The following PRKN variants were observed in gnomAD, a reference collection of about 807,000 sequenced individuals.
The protein encoded by PRKN is parkin RBR E3 ubiquitin protein ligase.
Under a neutral mutation model 59.5 loss-of-function variants are expected in PRKN, and 56 were observed. That is an observed-to-expected ratio of 0.94 (90% CI 0.76 to 1.18). The LOEUF is 1.18. PRKN is among the 50% of genes most tolerant of loss of function. The pLI is 0.00. For synonymous variants in PRKN, 250 were observed against 222.1 expected (o/e 1.13, Z -1.12); for missense variants, 657 against 596.4 (o/e 1.10, Z -1.06).
chr6:161,745,361 T>C (rs1373855994), intron 7 of PRKN, among the ~76,000 whole-genome samples: 1 of 152,132 alleles, frequency 6.6e-6, no homozygotes, highest in Non-Finnish European at 1.5e-5. Flanking sequence ...AAGCATTTCC[T>C]AACAGGGGAA....
chr6:162,314,219 T>G (rs1467658035), intron 2 of PRKN, among the ~76,000 whole-genome samples: 3 of 152,100 alleles, frequency 2.0e-5, no homozygotes. Flanking sequence ...AAGGGAAGCT[T>G]AGAGAATGTC....
intron 1 of PRKN, among the ~76,000 whole-genome samples, chr6:162,470,233 T>C (rs1791663546): frequency 6.6e-6 from 1 of 152,178 alleles, no homozygotes; most frequent in African/African-American, 2.4e-5. Context: ...TTTTATGATA[T>C]AATGAAAAGG....
At chr6:161,926,630 G>T (rs898639317) in intron 6 of PRKN, among the ~76,000 whole-genome samples, 1 of 152,048 alleles carries the variant, frequency 6.6e-6, no homozygotes, top group African/African-American at 2.4e-5. Flanking sequence ...CTTCATGTTC[G>T]TCTTATCCCT....
At chr6:162,072,036 T>C (rs7754120) in intron 4 of PRKN, among the ~76,000 whole-genome samples, 125,793 of 152,172 alleles carry the variant, frequency 0.83, 52,152 homozygotes, top group Admixed American at 0.88. Context: ...TTAATTCCTT[T>C]AACAAATAAT....
intron 1 of PRKN, among the ~76,000 whole-genome samples, chr6:162,671,997 G>A (rs1418964342): frequency 6.6e-6 from 1 of 152,040 alleles, no homozygotes; most frequent in Non-Finnish European, 1.5e-5. Context: ...TGGCAGAGCA[G>A]TGGTGCCCAT....
At chr6:162,428,755 C>T (rs1013783895) in intron 2 of PRKN, among the ~76,000 whole-genome samples, 9 of 152,192 alleles carry the variant, frequency 5.9e-5, no homozygotes, top group African/African-American at 2.2e-4. Flanking sequence ...AAGCCCCATG[C>T]TCCGTCCCCC....
intron 7 of PRKN, among the ~76,000 whole-genome samples, chr6:161,745,432 G>A (rs989870800): frequency 6.6e-5 from 10 of 152,090 alleles, no homozygotes; most frequent in Admixed American, 3.3e-4. Flanking sequence ...CTAACCAGGC[G>A]ACAAGGAGAG....
intron 6 of PRKN, among the ~76,000 whole-genome samples, chr6:161,920,689 C>T (rs997602179): frequency 2.0e-5 from 3 of 151,486 alleles, no homozygotes; most frequent in African/African-American, 4.9e-5. Context: ...ACTCCGGAGG[C>T]TGAGGCAGGA....
intron 7 of PRKN, among the ~76,000 whole-genome samples, chr6:161,605,647 GATTAC>G (rs1283922946): frequency 6.6e-6 from 1 of 152,040 alleles, no homozygotes; most frequent in African/African-American, 2.4e-5. Flanking sequence ...AAGTAGCTGG[GATTAC>G]AGACACGTGC....
At chr6:162,322,995 C>G (rs1198648612) in intron 2 of PRKN, among the ~76,000 whole-genome samples, 1 of 146,162 alleles carries the variant, frequency 6.8e-6, no homozygotes, top group Non-Finnish European at 1.5e-5. Context: ...ACCGCATATT[C>G]TCACTCATAG....
chr6:161,777,705 AAG>A (rs1039995029), intron 7 of PRKN, among the ~76,000 whole-genome samples: 21 of 134,008 alleles, frequency 1.6e-4, no homozygotes, highest in Non-Finnish European at 2.4e-4. Flanking sequence ...CACAATATAT[AAG>A]AGATATTTTA....
intron 6 of PRKN, among the ~76,000 whole-genome samples, chr6:161,939,174 T>C (rs9295175): frequency 0.05 from 7,652 of 152,036 alleles, 254 homozygotes; most frequent in South Asian, 0.15. Flanking sequence ...TCCCAGCATT[T>C]TGGGAGGCTG....
Position 162,443,314 on chromosome 6 carries a change from A to T in PRKN, c.167T>A (p.Val56Glu), listed in dbSNP as rs137853059. Residue 56 changes from valine to glutamate, a missense_variant, in exon 2 of 12, where the codon GTG becomes GAG. Physicochemically the swap from Val to Glu is moderately radical, Grantham distance 121. Coordinates refer to ENST00000366898, the MANE Select transcript of PRKN (RefSeq NM_004562.3). ...AGKELRNDWT[V>E]QNCDLDQQSI... The stretch of plus-strand genomic sequence containing the variant: ...CGGCCGCCAAGGGAGACTCACCTGC[A>T]CAGTCCAGTCATTCCTCAGCTCCTT... 2.0e-5 allele frequency: 33 copies of T among 1,612,238 alleles called. 1 individual carries two copies. The highest frequency in any genetic ancestry group is 1.9e-5 in the Non-Finnish European group (23 of 1,180,018).
intron 7 of PRKN, among the ~76,000 whole-genome samples, chr6:161,762,435 A>G (rs1409290191): frequency 6.6e-6 from 1 of 152,198 alleles, no homozygotes; most frequent in African/African-American, 2.4e-5. Context: ...GGGTCTTTTA[A>G]TGCAGAAGTT....
chr6:161,999,825 A>T (rs1781983333), intron 5 of PRKN, among the ~76,000 whole-genome samples: 1 of 152,140 alleles, frequency 6.6e-6, no homozygotes. Flanking sequence ...CAGATTTTAG[A>T]TTCCACAGAC....
chr6:162,276,967 A>G (rs1388272878), intron 2 of PRKN, among the ~76,000 whole-genome samples: 1 of 152,176 alleles, frequency 6.6e-6, no homozygotes, highest in African/African-American at 2.4e-5. Flanking sequence ...TAGATTGATA[A>G]CAGGTTATAA....
At chr6:162,162,191 T>G (rs1254468412) in intron 4 of PRKN, among the ~76,000 whole-genome samples, 5 of 152,210 alleles carry the variant, frequency 3.3e-5, no homozygotes, top group African/African-American at 9.6e-5. Context: ...CAAGCAATTC[T>G]CCCTGCCTCA....
At chr6:161,996,629 ACT>A (rs1257315985) in intron 5 of PRKN, among the ~76,000 whole-genome samples, 2 of 151,970 alleles carry the variant, frequency 1.3e-5, no homozygotes, top group Non-Finnish European at 2.9e-5. Flanking sequence ...AGAATAGCAG[ACT>A]CTCTATTTGT....
intron 5 of PRKN, among the ~76,000 whole-genome samples, chr6:162,001,276 C>T (rs12213205): frequency 0.041 from 6,203 of 152,110 alleles, 185 homozygotes; most frequent in South Asian, 0.066. Context: ...TATCCATGAA[C>T]ACGGGCTATT....
Sources: gnomAD v4.1 joint callset for allele counts (sites outside exome capture counted in the v4.1 genomes callset) on GRCh38, gnomAD v4.1.1 for gene constraint, MANE v1.5 for transcripts, NCBI Gene and HGNC (gene_info 2026-07-23, HGNC 2026-07-21) for gene names.